The following KANSL3 variants were observed in gnomAD, a reference collection of about 807,000 sequenced individuals.
KANSL3 encodes the protein KAT8 regulatory NSL complex subunit 3, also known as NSL complex protein NSL3.
A neutral mutation model predicts 89.2 loss-of-function variants in KANSL3; 16 were observed. The observed-to-expected ratio is 0.18, with a 90% confidence interval of 0.12 to 0.27. The LOEUF (loss-of-function observed/expected upper bound fraction) is 0.27. KANSL3 is among the 10% of genes least tolerant of loss of function. The pLI is 1.00. For missense variants in KANSL3, 879 were observed against 1,110.6 expected (o/e 0.79, Z 2.96); for synonymous variants, 385 against 419.7 (o/e 0.92, Z 1.01).
chr2:96,583,386 T>C, the KANSL3 span, among the ~76,000 whole-genome samples: 5 of 152,210 alleles, frequency 3.3e-5, no homozygotes, highest in African/African-American at 7.2e-5. Context: ...AAACAAGATA[T>C]AGAACATTTC....
At chr2:96,620,710 A>T (rs192475174) in intron 3 of KANSL3, among the ~76,000 whole-genome samples, 1 of 152,334 alleles carries the variant, frequency 6.6e-6, no homozygotes, top group African/African-American at 2.4e-5. Flanking sequence ...CCTTAAAAAA[A>T]AGCTGATGGT....
chr2:96,602,381 A>C, intron 18 of KANSL3, 43 bp from the exon 19 acceptor site: 1 of 1,472,654 alleles, frequency 6.8e-7, no homozygotes, highest in Non-Finnish European at 9.3e-7. Context: ...CTGTCGCCCA[A>C]CAGCAACATT....
Position 96,604,259 on chromosome 2 carries a change from A to G in KANSL3, c.2140T>C (p.Ser714Pro), listed in dbSNP as rs774972507. 1.6e-5 allele frequency: 26 copies of G among 1,605,730 alleles called. No individual in the cohort carries two copies. Among genetic ancestry groups the G allele is most frequent in the Non-Finnish European group, 2.2e-5 (26 of 1,176,764 alleles). Residue 714 changes from serine to proline, a missense_variant, in exon 17 of 21, where the codon TCC becomes CCC. Coordinates refer to ENST00000431828, the MANE Select transcript of KANSL3 (RefSeq NM_001115016.3). ...CTGGGCCACAAGATACCTGGGAGGG[A>G]GCTGCCAGGAGATGTGGCCACCAGG... ...SRLVATSPGS[S>P]LPGATSASSL... is the part of the protein sequence containing the mutation.
At chr2:96,605,155 T>A (rs2067789445) in intron 15 of KANSL3, among the ~76,000 whole-genome samples, 165 bp downstream of exon 15, 1 of 152,226 alleles carries the variant, frequency 6.6e-6, no homozygotes, top group Non-Finnish European at 1.5e-5. Context: ...CTCATTCAGA[T>A]GGACTCATGC....
intron 20 of KANSL3, chr2:96,600,605 C>T (rs1573285865): frequency 4.1e-6 from 4 of 985,378 alleles, no homozygotes; most frequent in Non-Finnish European, 4.8e-6. Context: ...CAGGGAGACA[C>T]AGGAAGGCCT....
intron 20 of KANSL3, chr2:96,600,416 T>C (rs1048508416): frequency 1.0e-6 from 1 of 973,806 alleles, no homozygotes; most frequent in Admixed American, 6.2e-5. Flanking sequence ...AGAAATAAGA[T>C]AAAATTAAAA....
At chr2:96,626,962 A>G (rs1573588962) in intron 3 of KANSL3, among the ~76,000 whole-genome samples, 1 of 152,254 alleles carries the variant, frequency 6.6e-6, no homozygotes, top group South Asian at 2.1e-4. Context: ...CTGTATCTCA[A>G]TAAAAGCTTA....
chr2:96,634,674 C>T (rs1335380013), intron 2 of KANSL3, among the ~76,000 whole-genome samples: 1 of 152,186 alleles, frequency 6.6e-6, no homozygotes, highest in African/African-American at 2.4e-5. Flanking sequence ...ACTTCAGTGA[C>T]CTTACTGCAT....
At chr2:96,619,641 G>C in intron 4 of KANSL3, 31 bp downstream of exon 4, 1 of 1,589,078 alleles carries the variant, frequency 6.3e-7, no homozygotes, top group South Asian at 1.1e-5. Context: ...ACTACGAAGA[G>C]CCCACTGTGG....
intron 5 of KANSL3, among the ~76,000 whole-genome samples, chr2:96,614,406 C>T: frequency 6.6e-6 from 1 of 152,092 alleles, no homozygotes; most frequent in East Asian, 1.9e-4. Context: ...CAAATATTTA[C>T]AAGGATATAT....
At chr2:96,585,497 A>G in the KANSL3 span, among the ~76,000 whole-genome samples, 1 of 152,332 alleles carries the variant, frequency 6.6e-6, no homozygotes, top group East Asian at 1.9e-4. Context: ...AAAAGGGAAC[A>G]CTTTTACACT....
downstream of KANSL3, among the ~76,000 whole-genome samples, chr2:96,590,829 C>CA (rs1558632539): frequency 6.6e-6 from 1 of 151,748 alleles, no homozygotes; most frequent in Non-Finnish European, 1.5e-5. Context: ...ACTAAAAATA[C>CA]AAAAAAATTA....
At position 96,612,102 on chromosome 2, in the gene KANSL3, A is replaced by T. The variant is rs527441185; in HGVS notation, c.1086+180T>A. 1.7e-4 allele frequency: 98 copies of T among 592,502 alleles called. 1 individual carries two copies. In the South Asian group the frequency reaches 2.0e-3, roughly 12 times the overall value. The allele number at this position is 592,502 out of a possible 1,614,324, so 36.7% of individuals were successfully genotyped here. A position where few individuals can be genotyped will look rare whatever the true frequency, so the allele number is the denominator to read the frequency against. ...CTACACCTGCTTTTGTTTCTGCTTAAAGTTTTCCAAAATAAATTAAAAATT... is the reference window on the plus strand; with the variant it reads ...CTACACCTGCTTTTGTTTCTGCTTATAGTTTTCCAAAATAAATTAAAAATT... On this transcript the variant is annotated intron_variant, in intron 9 of 20. Transcript: ENST00000431828.
chr2:96,589,784 GCCATAAA>G (rs1250389687), downstream of KANSL3, among the ~76,000 whole-genome samples: 6 of 151,966 alleles, frequency 3.9e-5, no homozygotes, highest in Admixed American at 3.9e-4. Context: ...TCACCCCTGG[GCCATAAA>G]CCTCAACAAA....
intron 2 of KANSL3, among the ~76,000 whole-genome samples, chr2:96,633,673 C>G (rs2073832693): frequency 1.3e-5 from 2 of 151,896 alleles, no homozygotes; most frequent in Non-Finnish European, 2.9e-5. Context: ...TGCAACCAGC[C>G]TGGGCAACAT....
downstream of KANSL3, among the ~76,000 whole-genome samples, chr2:96,591,676 G>A (rs1242460246): frequency 1.3e-5 from 2 of 152,178 alleles, no homozygotes; most frequent in East Asian, 3.9e-4. Flanking sequence ...TGATTGGACT[G>A]GGTGGGAAGA....
intron 3 of KANSL3, chr2:96,628,099 G>T (rs1172927907): frequency 1.6e-6 from 2 of 1,290,072 alleles, no homozygotes; most frequent in Non-Finnish European, 2.0e-6. Flanking sequence ...AGAAAGATAA[G>T]CCAAAGACAA....
intron 20 of KANSL3, among the ~76,000 whole-genome samples, chr2:96,601,085 G>A (rs559652487): frequency 2.6e-5 from 4 of 152,234 alleles, no homozygotes; most frequent in South Asian, 2.1e-4. Flanking sequence ...TCAGGAGTAC[G>A]AGGCCAGCCT....
intron 3 of KANSL3, among the ~76,000 whole-genome samples, chr2:96,626,144 AT>A (rs2072260785): frequency 6.6e-6 from 1 of 152,220 alleles, no homozygotes. Context: ...AATATCTGGT[AT>A]TTTCAAAGGT....
Sources: gnomAD v4.1 joint callset for allele counts (sites outside exome capture counted in the v4.1 genomes callset) on GRCh38, gnomAD v4.1.1 for gene constraint, MANE v1.5 for transcripts, NCBI Gene and HGNC (gene_info 2026-07-23, HGNC 2026-07-21) for gene names.